The following MEOX2 variants were observed in gnomAD, a reference collection of about 807,000 sequenced individuals.
MEOX2 encodes the protein mesenchyme homeobox 2, also known as homeobox protein MOX-2.
A neutral mutation model predicts 27.0 loss-of-function variants in MEOX2; 11 were observed. The ratio of observed to expected loss-of-function variants is 0.41; its 90% CI spans 0.26 to 0.68. MEOX2 has a LOEUF of 0.68. Among genes scored for constraint, MEOX2 ranks in the 30% least tolerant of loss-of-function variants. The pLI is 0.33. For missense variants in MEOX2, 436 were observed against 385.4 expected, an observed-to-expected ratio of 1.13 and a Z score of -1.10; for synonymous variants, 189 against 155.4, an observed-to-expected ratio of 1.22 and a Z score of -1.61.
chr7:15,670,685 A>G (rs1393453857), intron 1 of MEOX2, among the ~76,000 whole-genome samples: 1 of 152,210 alleles, frequency 6.6e-6, no homozygotes, highest in Non-Finnish European at 1.5e-5. Flanking sequence ...TTTACATACC[A>G]TACTACATGA....
At chr7:15,664,814 T>G (rs1045523864) in intron 1 of MEOX2, among the ~76,000 whole-genome samples, 1 of 152,142 alleles carries the variant, frequency 6.6e-6, no homozygotes, top group Non-Finnish European at 1.5e-5. Context: ...TTGTTAGAAT[T>G]CGTGCTCTGT....
At chr7:15,652,872 T>C (rs1198294360) in intron 1 of MEOX2, among the ~76,000 whole-genome samples, 2 of 152,052 alleles carry the variant, frequency 1.3e-5, no homozygotes, top group Non-Finnish European at 2.9e-5. Context: ...TGTTTAACCA[T>C]TTGCCTGTTG....
chr7:15,631,353 C>A (rs904856609), intron 1 of MEOX2, among the ~76,000 whole-genome samples: 1 of 151,596 alleles, frequency 6.6e-6, no homozygotes, highest in Admixed American at 6.6e-5. Flanking sequence ...AATATGCTTT[C>A]GGGGAGGAAA....
At chr7:15,642,313 A>C (rs1378230129) in intron 1 of MEOX2, among the ~76,000 whole-genome samples, 1 of 152,010 alleles carries the variant, frequency 6.6e-6, no homozygotes, top group Non-Finnish European at 1.5e-5. Flanking sequence ...CATTTTTTAA[A>C]ATTATTTTTT....
chr7:15,614,960 G>A (rs775798947), intron 2 of MEOX2, among the ~76,000 whole-genome samples: 3 of 151,866 alleles, frequency 2.0e-5, no homozygotes, highest in Non-Finnish European at 4.4e-5. Context: ...GATTTTTCTT[G>A]GTCTCACTTA....
intron 2 of MEOX2, among the ~76,000 whole-genome samples, chr7:15,621,205 T>A (rs1781218077): frequency 6.6e-6 from 1 of 152,226 alleles, no homozygotes; most frequent in Non-Finnish European, 1.5e-5. Flanking sequence ...TATGAGAATA[T>A]GTTGTAAACT....
intron 1 of MEOX2, among the ~76,000 whole-genome samples, chr7:15,666,133 CAGAA>C (rs1782000989): frequency 6.6e-6 from 1 of 152,084 alleles, no homozygotes; most frequent in Non-Finnish European, 1.5e-5. Context: ...GAGGGAAACT[CAGAA>C]AGGGCTAAAA....
Position 15,627,758 on chromosome 7 carries a change from G to T in MEOX2, c.518-840C>A, listed in dbSNP as rs573500784. ...CCTCATAAATACCCCTGAAATGTAGGTCAGAAGACATTCTTAATATACTAA... is the reference window on the plus strand; with the variant it reads ...CCTCATAAATACCCCTGAAATGTAGTTCAGAAGACATTCTTAATATACTAA... On this transcript the variant is annotated intron_variant, in intron 1 of 2. Transcript: ENST00000262041. Among the ~76,000 whole-genome samples, 5 of 149,040 alleles carry T rather than the reference G, an allele frequency of 3.4e-5. No individual in the cohort carries two copies. In the South Asian group the frequency reaches 1.1e-3, roughly 31 times the overall value.
chr7:15,658,862 A>G (rs545572958), intron 1 of MEOX2, among the ~76,000 whole-genome samples: 1 of 152,296 alleles, frequency 6.6e-6, no homozygotes, highest in Admixed American at 6.5e-5. Context: ...GTGAGAAATA[A>G]ATATTTATTT....
At chr7:15,628,393 G>A (rs574917368) in intron 1 of MEOX2, among the ~76,000 whole-genome samples, 81 of 152,122 alleles carry the variant, frequency 5.3e-4, no homozygotes, top group African/African-American at 1.9e-3. Flanking sequence ...GCAATAAGTT[G>A]CCTCAACACC....
intron 1 of MEOX2, among the ~76,000 whole-genome samples, chr7:15,647,070 C>T (rs1236235244): frequency 6.6e-6 from 1 of 151,908 alleles, no homozygotes; most frequent in Admixed American, 6.6e-5. Context: ...GTTTGATGCT[C>T]ATAAGACTCA....
intron 1 of MEOX2, among the ~76,000 whole-genome samples, chr7:15,673,327 G>A (rs1473352954): frequency 6.6e-6 from 1 of 151,536 alleles, no homozygotes; most frequent in Non-Finnish European, 1.5e-5. Context: ...AGTGTAGGGA[G>A]GTAGTGATCT....
At chr7:15,651,316 T>C (rs1187142027) in intron 1 of MEOX2, among the ~76,000 whole-genome samples, 1 of 152,062 alleles carries the variant, frequency 6.6e-6, no homozygotes, top group African/African-American at 2.4e-5. Flanking sequence ...TCCAGTATTG[T>C]CGCATTGTAG....
intron 1 of MEOX2, among the ~76,000 whole-genome samples, chr7:15,654,307 GTTGGTAAATTCCATGGT>G (rs1451914696): frequency 1.6e-4 from 24 of 151,934 alleles, no homozygotes; most frequent in African/African-American, 4.1e-4. Flanking sequence ...GGGGGATTTT[GTTGGTAAATTCCATGGT>G]TTTTCCTTGA....
chr7:15,622,948 T>C (rs1041200874), intron 2 of MEOX2, among the ~76,000 whole-genome samples: 1 of 152,128 alleles, frequency 6.6e-6, no homozygotes, highest in Non-Finnish European at 1.5e-5. Context: ...AATGGAAAAA[T>C]GGAAGTCTAT....
chr7:15,639,178 T>C (rs1781525603), intron 1 of MEOX2, among the ~76,000 whole-genome samples: 1 of 152,158 alleles, frequency 6.6e-6, no homozygotes, highest in East Asian at 1.9e-4. Context: ...TTCTGACTGG[T>C]ATGAGATGGT....
chr7:15,611,453 T>G lies in MEOX2; in HGVS notation c.*934A>C, dbSNP rs1248786816. 1 of 152,642 alleles carries G rather than the reference T, an allele frequency of 6.6e-6. No homozygotes were observed. Among genetic ancestry groups the G allele is most frequent in the Non-Finnish European group, 1.5e-5 (1 of 68,038 alleles). 9.5% of individuals were successfully genotyped at this position (152,642 alleles called of 1,614,324 possible). A position where few individuals can be genotyped will look rare whatever the true frequency, so the allele number is the denominator to read the frequency against. ...TTAAATCATATTCATACAGCTAATATTTTACAGAAATAAAATAAGACAATG... is the reference window on the plus strand; with the variant it reads ...TTAAATCATATTCATACAGCTAATAGTTTACAGAAATAAAATAAGACAATG... On this transcript the variant is annotated 3_prime_UTR_variant, in exon 3 of 3. Transcript: ENST00000262041.
intron 1 of MEOX2, among the ~76,000 whole-genome samples, chr7:15,650,797 A>C (rs1051104797): frequency 6.6e-6 from 1 of 152,090 alleles, no homozygotes. Flanking sequence ...TGCTATTAGC[A>C]TGGAGGGATT....
At position 15,686,016 on chromosome 7, in the gene MEOX2, G is replaced by A. The variant is rs779584447; in HGVS notation, c.387C>T (p.Ser129=). 6.2e-7 allele frequency: 1 copy of A among 1,608,114 alleles called. No individual in the cohort carries two copies. The highest frequency in any genetic ancestry group is 8.5e-7 in the Non-Finnish European group (1 of 1,179,708). Residue 129 remains serine, a synonymous_variant, in exon 1 of 3, where the codon TCC becomes TCT. Coordinates refer to ENST00000262041, the MANE Select transcript of MEOX2 (RefSeq NM_005924.5). ...ELGSSPPVLC[S]NSSSLGSSTP... ...TGCTGGAGCCCAAGCTGGAAGAGTT[G>A]GAGCACAGGACGGGCGGGCTGCTCC... is the stretch of plus-strand genomic sequence containing the variant.
Sources: gnomAD v4.1 joint callset for allele counts (sites outside exome capture counted in the v4.1 genomes callset) on GRCh38, gnomAD v4.1.1 for gene constraint, MANE v1.5 for transcripts, NCBI Gene and HGNC (gene_info 2026-07-23, HGNC 2026-07-21) for gene names.